Variants in HS6ST3 observed in about 807,000 individuals in gnomAD.
HS6ST3 encodes heparan sulfate 6-O-sulfotransferase 3, also known as heparan-sulfate 6-O-sulfotransferase 3.
In HS6ST3, 12 loss-of-function variants were observed where a neutral mutation model predicts 36.7. That is an observed-to-expected ratio of 0.33 (90% CI 0.21 to 0.53). The LOEUF is 0.53. Among genes scored for constraint, HS6ST3 ranks in the 20% least tolerant of loss-of-function variants. The probability of loss-of-function intolerance (pLI) is 0.95; values close to 1 mark genes in which losing one functional copy is unlikely to be tolerated. For missense variants in HS6ST3, 584 were observed against 640.9 expected (o/e 0.91, Z 0.96); for synonymous variants, 240 against 257.5 (o/e 0.93, Z 0.65).
In HS6ST3 at chr13:96,402,515, C is replaced by A. The variant is rs548211556; in HGVS notation, c.707+310946C>A. ...ACTGTATACATCTATGTACTCCACA[C>A]CTCTATCAAGAAATAGAACATTTGC... On this transcript the variant is annotated intron_variant, in intron 1 of 1. Transcript: ENST00000376705. Among the ~76,000 whole-genome samples the A allele has an allele frequency of 2.0e-5, 3 of 152,284 alleles. No homozygotes were observed. In the East Asian group the frequency reaches 5.8e-4, roughly 29 times the overall value.
At chr13:96,610,569 A>G (rs1335996537) in intron 1 of HS6ST3, among the ~76,000 whole-genome samples, 2 of 152,156 alleles carry the variant, frequency 1.3e-5, no homozygotes, top group African/African-American at 4.8e-5. Context: ...CCCTTTTGCC[A>G]TGTATACCTT....
chr13:96,287,083 G>C (rs1191546227), intron 1 of HS6ST3, among the ~76,000 whole-genome samples: 1 of 152,146 alleles, frequency 6.6e-6, no homozygotes, highest in Non-Finnish European at 1.5e-5. Flanking sequence ...AAGACAAGAA[G>C]ATCTTTGTCA....
At chr13:96,241,631 T>C (rs1182548698) in intron 1 of HS6ST3, among the ~76,000 whole-genome samples, 1 of 141,440 alleles carries the variant, frequency 7.1e-6, no homozygotes, top group African/African-American at 2.8e-5. Context: ...TTTACCAACT[T>C]TTTTTTTTTT....
chr13:96,092,355 T>C (rs776307703), intron 1 of HS6ST3, among the ~76,000 whole-genome samples: 33 of 152,202 alleles, frequency 2.2e-4, no homozygotes, highest in Middle Eastern at 3.2e-3. Flanking sequence ...TGGAATGACA[T>C]TCTTGATCCC....
chr13:96,558,911 A>T (rs1167614252), intron 1 of HS6ST3, among the ~76,000 whole-genome samples: 1 of 152,168 alleles, frequency 6.6e-6, no homozygotes, highest in Non-Finnish European at 1.5e-5. Context: ...ACTGTTGGGC[A>T]AGATTCATTC....
intron 1 of HS6ST3, among the ~76,000 whole-genome samples, chr13:96,252,469 G>C (rs982292035): frequency 1.3e-5 from 2 of 152,164 alleles, no homozygotes; most frequent in Non-Finnish European, 2.9e-5. Context: ...TCTTAGGATT[G>C]TTGTGCCTTC....
intron 1 of HS6ST3, among the ~76,000 whole-genome samples, chr13:96,738,644 T>G (rs904513573): frequency 6.6e-6 from 1 of 152,202 alleles, no homozygotes. Flanking sequence ...TCATTGAGAA[T>G]GTAAATGTGA....
At chr13:96,740,882 G>A (rs1876420687) in intron 1 of HS6ST3, among the ~76,000 whole-genome samples, 1 of 152,170 alleles carries the variant, frequency 6.6e-6, no homozygotes, top group South Asian at 2.1e-4. Context: ...CCAACTCAGA[G>A]TCTCTGGCAA....
intron 1 of HS6ST3, among the ~76,000 whole-genome samples, chr13:96,341,586 G>T (rs947164540): frequency 1.3e-4 from 20 of 152,158 alleles, no homozygotes; most frequent in African/African-American, 4.6e-4. Flanking sequence ...CACAGGTGTT[G>T]TGAGGCCCTA....
chr13:96,520,437 A>G (rs891739828), intron 1 of HS6ST3, among the ~76,000 whole-genome samples: 2 of 152,214 alleles, frequency 1.3e-5, no homozygotes, highest in African/African-American at 4.8e-5. Context: ...TCTATAAATT[A>G]CTTTGGGCAG....
chr13:96,492,304 A>G (rs1172781023), intron 1 of HS6ST3, among the ~76,000 whole-genome samples: 1 of 152,230 alleles, frequency 6.6e-6, no homozygotes, highest in Non-Finnish European at 1.5e-5. Context: ...TCTCTCAGCC[A>G]ACTTTGGAAA....
chr13:96,265,537 TA>T (rs369289357), intron 1 of HS6ST3, among the ~76,000 whole-genome samples: 1 of 152,110 alleles, frequency 6.6e-6, no homozygotes, highest in Non-Finnish European at 1.5e-5. Flanking sequence ...CCAGCTATTT[TA>T]TGTAGTGTGA....
chr13:96,217,219 T>C (rs1042439705), intron 1 of HS6ST3, among the ~76,000 whole-genome samples: 4 of 152,194 alleles, frequency 2.6e-5, no homozygotes, highest in Non-Finnish European at 4.4e-5. Flanking sequence ...GTAGCATTTA[T>C]TGAATGACAT....
chr13:96,547,937 G>A (rs1239517757), intron 1 of HS6ST3, among the ~76,000 whole-genome samples: 1 of 151,998 alleles, frequency 6.6e-6, no homozygotes, highest in Non-Finnish European at 1.5e-5. Flanking sequence ...AGGCACCCAA[G>A]GAAGTCATAA....
At position 96,836,438 on chromosome 13, in the gene HS6ST3, G is replaced by C. The variant is rs1163987762; in HGVS notation, c.*3240G>C. ...CTTGGAAACTGGAGGAAACTGCCCTGAGAATTATTAGAATGCTAATAATAG... is the reference window on the plus strand; with the variant it reads ...CTTGGAAACTGGAGGAAACTGCCCTCAGAATTATTAGAATGCTAATAATAG... On this transcript the variant is annotated 3_prime_UTR_variant, in exon 2 of 2. Transcript: ENST00000376705. The C allele has an allele frequency of 6.6e-6, 1 of 152,162 alleles. No individual in the cohort carries two copies. The highest frequency in any genetic ancestry group is 1.5e-5 in the Non-Finnish European group (1 of 68,038). 9.4% of individuals were successfully genotyped at this position (152,162 alleles called of 1,614,324 possible). A position where few individuals can be genotyped will look rare whatever the true frequency, so the allele number is the denominator to read the frequency against.
chr13:96,233,256 A>AG (rs1417105636), intron 1 of HS6ST3, among the ~76,000 whole-genome samples: 1 of 152,202 alleles, frequency 6.6e-6, no homozygotes, highest in Non-Finnish European at 1.5e-5. Context: ...ATCCAGAAAA[A>AG]GGACTTTTTA....
chr13:96,648,809 T>C (rs193151263), intron 1 of HS6ST3, among the ~76,000 whole-genome samples: 45 of 152,254 alleles, frequency 3.0e-4, no homozygotes, highest in Non-Finnish European at 5.1e-4. Flanking sequence ...GCTCCATCCA[T>C]GTCCCTGCAA....
intron 1 of HS6ST3, among the ~76,000 whole-genome samples, chr13:96,541,964 T>C (rs1485121814): frequency 1.3e-5 from 2 of 152,222 alleles, no homozygotes; most frequent in Non-Finnish European, 2.9e-5. Context: ...TAGCATAGTG[T>C]ACATTTTCTG....
chr13:96,365,181 C>A (rs2055257035), intron 1 of HS6ST3, among the ~76,000 whole-genome samples: 1 of 152,156 alleles, frequency 6.6e-6, no homozygotes, highest in South Asian at 2.1e-4. Flanking sequence ...GAAGCCTGGG[C>A]AGAGATGTTT....
Sources: allele counts gnomAD v4.1 joint callset (sites outside exome capture counted in the v4.1 genomes callset), GRCh38; gene constraint gnomAD v4.1.1; transcripts MANE v1.5; gene names NCBI Gene and HGNC (gene_info 2026-07-23, HGNC 2026-07-21).